Variants in GFPT1 observed in about 807,000 individuals in gnomAD.
The protein encoded by GFPT1 is glutamine--fructose-6-phosphate transaminase 1.
Under a neutral mutation model 92.0 loss-of-function variants are expected in GFPT1, and 40 were observed. That is an observed-to-expected ratio of 0.43 (90% CI 0.34 to 0.57). The LOEUF (loss-of-function observed/expected upper bound fraction) is 0.57. Among genes scored for constraint, GFPT1 ranks in the 20% least tolerant of loss-of-function variants. GFPT1 has a pLI of 0.02. For synonymous variants in GFPT1, 269 were observed against 280.6 expected, an observed-to-expected ratio of 0.96 and a Z score of 0.41; for missense variants, 448 against 869.1, an observed-to-expected ratio of 0.52 and a Z score of 6.09.
At chr2:69,339,428 G>C (rs1210722026) in intron 13 of GFPT1, among the ~76,000 whole-genome samples, 1 of 152,170 alleles carries the variant, frequency 6.6e-6, no homozygotes, top group Non-Finnish European at 1.5e-5. Context: ...GTATGCCTCT[G>C]TGCAAAACGT....
chr2:69,354,458 TACTGC>T (rs1158991838), intron 8 of GFPT1, 26 bp downstream of exon 8: 4 of 1,363,280 alleles, frequency 2.9e-6, no homozygotes, highest in Non-Finnish European at 4.2e-6. Context: ...TCTTCATATC[TACTGC>T]ACTGCATTTG....
At position 69,368,321 on chromosome 2, in the gene GFPT1, G is replaced by T. The variant is rs570358186; in HGVS notation, c.223+1680C>A. ...TGGCGTGAACCAGGAAGCAGAGGTT[G>T]CAGTGAACCGAGATTGTGTCACTAC... On this transcript the variant is annotated intron_variant, in intron 3 of 19. Coordinates refer to ENST00000357308, the MANE Select transcript of GFPT1 (RefSeq NM_001244710.2). Among the ~76,000 whole-genome samples, 6 of 152,312 alleles carry T rather than the reference G, an allele frequency of 3.9e-5. 1 individual carries two copies. The South Asian group carries it at 1.2e-3, about 32-fold the overall frequency.
chr2:69,351,347 C>T (rs1671202127), intron 9 of GFPT1, among the ~76,000 whole-genome samples: 1 of 152,154 alleles, frequency 6.6e-6, no homozygotes, highest in African/African-American at 2.4e-5. Flanking sequence ...TAGTTGAAGA[C>T]TACATAAATG....
intron 6 of GFPT1, among the ~76,000 whole-genome samples, chr2:69,358,059 T>C (rs969672017): frequency 2.0e-5 from 3 of 152,310 alleles, no homozygotes; most frequent in South Asian, 2.1e-4. Context: ...GATGTGTGCA[T>C]ATATGCATAG....
chr2:69,354,337 T>C, intron 8 of GFPT1, 25 bp from the exon 9 acceptor site: 2 of 1,567,418 alleles, frequency 1.3e-6, no homozygotes, highest in Non-Finnish European at 1.7e-6. Flanking sequence ...CAGAAAAAAA[T>C]TCTAATCATC....
intron 12 of GFPT1, among the ~76,000 whole-genome samples, chr2:69,343,521 C>CA (rs1410071536): frequency 6.6e-6 from 1 of 152,086 alleles, no homozygotes; most frequent in Non-Finnish European, 1.5e-5. Context: ...AGCGATTCTC[C>CA]AGCCTTGGCC....
intron 2 of GFPT1, among the ~76,000 whole-genome samples, chr2:69,372,216 A>AG (rs1236744900): frequency 8.4e-4 from 127 of 151,076 alleles, no homozygotes; most frequent in African/African-American, 2.9e-3. Flanking sequence ...AAAAAAAAAA[A>AG]AAGAAGATTG....
At chr2:69,350,469 A>T (rs1671178958) in intron 9 of GFPT1, among the ~76,000 whole-genome samples, 1 of 152,176 alleles carries the variant, frequency 6.6e-6, no homozygotes, top group African/African-American at 2.4e-5. Flanking sequence ...AAGACAAGTA[A>T]TTCCTTAATA....
At chr2:69,359,233 C>A (rs1393579846) in intron 5 of GFPT1, 35 bp downstream of exon 5, 21 of 1,172,580 alleles carry the variant, frequency 1.8e-5, no homozygotes, top group African/African-American at 4.5e-5. Context: ...GAAGTATTCT[C>A]AAAGACTGGG....
chr2:69,366,182 C>T (rs7578692), intron 3 of GFPT1, among the ~76,000 whole-genome samples: 98,932 of 152,056 alleles, frequency 0.65, 33,378 homozygotes, highest in African/African-American at 0.84. Context: ...GCAGGCAATA[C>T]TGGAGAAAGT....
intron 1 of GFPT1, among the ~76,000 whole-genome samples, chr2:69,380,993 T>C (rs1671994929): frequency 6.6e-6 from 1 of 152,194 alleles, no homozygotes; most frequent in African/African-American, 2.4e-5. Flanking sequence ...AGTCTTTTTT[T>C]TTTTTAGACA....
In GFPT1 at chr2:69,329,780, C is replaced by T. The variant is rs1279403583; in HGVS notation, c.1501G>A (p.Val501Ile). Residue 501 changes from valine to isoleucine, a missense_variant, in exon 16 of 20, where the codon GTA (valine) becomes ATA (isoleucine). Physicochemically the swap from Val to Ile is conservative, Grantham distance 29. Transcript: ENST00000357308. Reference protein sequence around the residue: ...ASTKAYTSQFVSLVMFALMMC... With the variant: ...ASTKAYTSQFISLVMFALMMC... ...ATAAGGGCAAACATCACAAGGGATA[C>T]AAACTGGCTGGTATAAGCCTGAAAC... The T allele has an allele frequency of 3.1e-6, 5 of 1,603,552 alleles. No individual in the cohort carries two copies. The highest frequency in any genetic ancestry group is 1.7e-5 in the Admixed American group (1 of 59,980).
At chr2:69,368,020 G>A (rs1257185989) in intron 3 of GFPT1, among the ~76,000 whole-genome samples, 4 of 152,202 alleles carry the variant, frequency 2.6e-5, no homozygotes, top group African/African-American at 9.6e-5. Flanking sequence ...AGGTCAAAGA[G>A]GGTGGATCGC....
intron 9 of GFPT1, among the ~76,000 whole-genome samples, chr2:69,353,135 C>T (rs1331071922): frequency 1.3e-5 from 2 of 152,174 alleles, no homozygotes; most frequent in Non-Finnish European, 2.9e-5. Context: ...GTGGCTCACA[C>T]CTGTGATCTC....
intron 10 of GFPT1, among the ~76,000 whole-genome samples, chr2:69,349,568 T>C (rs532233662): frequency 6.6e-6 from 1 of 152,354 alleles, no homozygotes; most frequent in South Asian, 2.1e-4. Context: ...TACTATTTCA[T>C]TTACAAATGC....
intron 9 of GFPT1, among the ~76,000 whole-genome samples, chr2:69,351,345 G>A (rs936184369): frequency 2.0e-5 from 3 of 152,084 alleles, no homozygotes; most frequent in African/African-American, 7.2e-5. Flanking sequence ...ATTAGTTGAA[G>A]ACTACATAAA....
In GFPT1 at chr2:69,369,984, C is replaced by T. The variant is rs1671704785; in HGVS notation, c.223+17G>A. 7.3e-7 allele frequency: 1 copy of T among 1,365,366 alleles called. No individual in the cohort carries two copies. Among genetic ancestry groups the T allele is most frequent in the Non-Finnish European group, 1.0e-6 (1 of 952,816 alleles). The allele number at this position is 1,365,366 out of a possible 1,614,324, so 84.6% of individuals were successfully genotyped here. A position where few individuals can be genotyped will look rare whatever the true frequency, so the allele number is the denominator to read the frequency against. ...AGAGAAGGGGAAAGGGGACAAAAAT[C>T]AAATTAAGTACGTTACTGTGAACTT... On this transcript the variant is annotated intron_variant, in intron 3 of 19. Transcript: ENST00000357308.
At chr2:69,381,863 C>T (rs925851177) in intron 1 of GFPT1, among the ~76,000 whole-genome samples, 6 of 143,064 alleles carry the variant, frequency 4.2e-5, no homozygotes, top group Non-Finnish European at 4.6e-5. Context: ...ACTTATAACT[C>T]TTTTTTTTTT....
intron 16 of GFPT1, 111 bp downstream of exon 16, chr2:69,329,572 GA>G: frequency 1.0e-6 from 1 of 965,600 alleles, no homozygotes; most frequent in South Asian, 1.3e-5. Context: ...AGCAAACGTA[GA>G]AAGATCTTAT....
Sources: gnomAD v4.1 joint callset for allele counts (sites outside exome capture counted in the v4.1 genomes callset) on GRCh38, gnomAD v4.1.1 for gene constraint, MANE v1.5 for transcripts, NCBI Gene and HGNC (gene_info 2026-07-23, HGNC 2026-07-21) for gene names.